The following PDE4D variants were observed in gnomAD, a reference collection of about 807,000 sequenced individuals.
PDE4D encodes the protein 3',5'-cyclic-AMP phosphodiesterase 4D.
In PDE4D, 24 loss-of-function variants were observed where a neutral mutation model predicts 87.4. That is an observed-to-expected ratio of 0.27 (90% CI 0.20 to 0.39). The LOEUF (loss-of-function observed/expected upper bound fraction) is 0.39. Among genes scored for constraint, PDE4D ranks in the 10% least tolerant of loss-of-function variants. PDE4D has a pLI of 1.00. For missense variants in PDE4D, 714 were observed against 1,041.0 expected, an observed-to-expected ratio of 0.69 and a Z score of 4.32; for synonymous variants, 384 against 383.2, an observed-to-expected ratio of 1.00 and a Z score of -0.02.
chr5:60,477,527 A>C (rs1477763061), intron 1 of PDE4D, among the ~76,000 whole-genome samples: 1 of 152,198 alleles, frequency 6.6e-6, no homozygotes, highest in Non-Finnish European at 1.5e-5. Context: ...GAGGCTGTTA[A>C]GATGGAGGAA....
At chr5:59,476,594 A>T (rs1284465404) in intron 1 of PDE4D, among the ~76,000 whole-genome samples, 1 of 152,058 alleles carries the variant, frequency 6.6e-6, no homozygotes, top group East Asian at 1.9e-4. Flanking sequence ...GTTTTACATA[A>T]GCCTTAGTGA....
chr5:59,364,353 A>G (rs1782705398), intron 1 of PDE4D, among the ~76,000 whole-genome samples: 2 of 150,464 alleles, frequency 1.3e-5, no homozygotes, highest in South Asian at 4.2e-4. Flanking sequence ...TTACCTCTAA[A>G]TTTTAGAGAA....
chr5:60,272,835 C>T (rs368173479), intron 1 of PDE4D, among the ~76,000 whole-genome samples: 57 of 152,242 alleles, frequency 3.7e-4, no homozygotes, highest in South Asian at 1.0e-3. Context: ...ATGACTTCTC[C>T]GCTTATTTTA....
intron 2 of PDE4D, among the ~76,000 whole-genome samples, chr5:60,158,055 G>A (rs1782144424): frequency 6.6e-6 from 1 of 152,048 alleles, no homozygotes; most frequent in South Asian, 2.1e-4. Flanking sequence ...AAATTCATAA[G>A]GTTATTGTGA....
At chr5:60,143,603 T>TTTTG (rs1780730543) in intron 2 of PDE4D, among the ~76,000 whole-genome samples, 3 of 117,754 alleles carry the variant, frequency 2.5e-5, no homozygotes, top group East Asian at 2.5e-4. Context: ...AGCTTGGGAA[T>TTTTG]TGTGTGTGTG....
chr5:60,436,867 C>T (rs2150125542), intron 1 of PDE4D, among the ~76,000 whole-genome samples: 1 of 152,170 alleles, frequency 6.6e-6, no homozygotes, highest in Middle Eastern at 3.4e-3. Flanking sequence ...CACTTTTCTG[C>T]AAGGAATCTC....
At chr5:59,900,179 G>T (rs955191028) in intron 3 of PDE4D, among the ~76,000 whole-genome samples, 1 of 150,956 alleles carries the variant, frequency 6.6e-6, no homozygotes, top group African/African-American at 2.4e-5. Flanking sequence ...GGTGAATGTT[G>T]CAGTGAGCCA....
At chr5:60,488,721 G>A (rs1749347445), upstream of PDE4D, among the ~76,000 whole-genome samples, 1 of 152,096 alleles carries the variant, frequency 6.6e-6, no homozygotes, top group Admixed American at 6.6e-5. Flanking sequence ...AGTCAACGGG[G>A]CTGAGACAGG....
chr5:59,744,328 T>A (rs1274202891), intron 1 of PDE4D, among the ~76,000 whole-genome samples: 1 of 152,168 alleles, frequency 6.6e-6, no homozygotes, highest in African/African-American at 2.4e-5. Flanking sequence ...ATATTAATTC[T>A]AGACAAACTA....
intron 1 of PDE4D, among the ~76,000 whole-genome samples, chr5:60,309,827 T>C (rs1251339285): frequency 6.6e-6 from 1 of 152,248 alleles, no homozygotes; most frequent in Non-Finnish European, 1.5e-5. Context: ...TATCATGTAA[T>C]AATTTGGACT....
chr5:59,828,563 T>C (rs1005761574), intron 1 of PDE4D, among the ~76,000 whole-genome samples: 12 of 152,064 alleles, frequency 7.9e-5, no homozygotes, highest in Non-Finnish European at 1.5e-5. Context: ...CTGCAGGGCA[T>C]TGTTCTATGC....
At position 58,975,870 on chromosome 5, in the gene PDE4D, T is replaced by C; in HGVS notation, c.1831-31A>G. On this transcript the variant is annotated intron_variant, in intron 13 of 14. Coordinates refer to ENST00000340635, the MANE Select transcript of PDE4D (RefSeq NM_001104631.2). This position sits in a 1 kb window ranked among gnomAD's most constrained non-coding sequence, Gnocchi z 4.2. ...ATAGATGGATGCATTCTCTATTCAC[T>C]CCTGTTCCTTTTTTTTAAAAAAAAA... The C allele has an allele frequency of 7.6e-7, 1 of 1,314,276 alleles. No individual in the cohort carries two copies. The allele number at this position is 1,314,276 out of a possible 1,614,324, so 81.4% of individuals were successfully genotyped here.
chr5:59,691,507 G>A, intron 1 of PDE4D, among the ~76,000 whole-genome samples: 1 of 150,304 alleles, frequency 6.7e-6, no homozygotes, highest in Admixed American at 6.7e-5. Flanking sequence ...AATCATAGGT[G>A]GGAATTGAAC....
At chr5:59,127,620 A>ACCC (rs1561532508) in intron 5 of PDE4D, among the ~76,000 whole-genome samples, 1 of 19,320 alleles carries the variant, frequency 5.2e-5, no homozygotes, top group African/African-American at 2.0e-4. Context: ...CCCACCCCCC[A>ACCC]CCTCACCCCC....
chr5:60,460,281 T>C (rs1746822217), intron 1 of PDE4D: 1 of 1,054,776 alleles, frequency 9.5e-7, no homozygotes, highest in Non-Finnish European at 1.5e-6. Flanking sequence ...GATGAAATTC[T>C]TTGGATAGAA....
intron 1 of PDE4D, among the ~76,000 whole-genome samples, chr5:59,869,900 A>C (rs1368035696): frequency 6.6e-6 from 1 of 152,202 alleles, no homozygotes; most frequent in African/African-American, 2.4e-5. Flanking sequence ...GTGAGTTAAT[A>C]ACCAGAACTG....
intron 1 of PDE4D, among the ~76,000 whole-genome samples, chr5:60,245,570 T>C (rs957933660): frequency 6.6e-6 from 1 of 151,958 alleles, no homozygotes; most frequent in Non-Finnish European, 1.5e-5. Flanking sequence ...GGGTTACATA[T>C]ACAAAATGGA....
rs61225564 is a variant in PDE4D, at chr5:59,098,633, G to A, written c.809-59662C>T. On this transcript the variant is annotated intron_variant, in intron 5 of 14. Coordinates refer to ENST00000340635, the MANE Select transcript of PDE4D (RefSeq NM_001104631.2). ...GTGGGAGAATTGCTTGAGTGCAGGA[G>A]GCTAAGGCTGCAGTAAGCCCTGATC... Among the ~76,000 whole-genome samples, 454 of 142,402 alleles carry A rather than the reference G, an allele frequency of 3.2e-3. 1 individual carries two copies. The highest frequency in any genetic ancestry group is 0.011 in the African/African-American group (441 of 38,532). The allele number at this position is 142,402 out of a possible 152,430, so 93.4% of individuals were successfully genotyped here. A position where few individuals can be genotyped will look rare whatever the true frequency, so the allele number is the denominator to read the frequency against.
chr5:59,374,146 C>T (rs1326418563), intron 1 of PDE4D, among the ~76,000 whole-genome samples: 1 of 152,208 alleles, frequency 6.6e-6, no homozygotes, highest in Non-Finnish European at 1.5e-5. Context: ...CAGCTAACAT[C>T]ATGATGACAG....
Sources: gnomAD v4.1 joint callset for allele counts (sites outside exome capture counted in the v4.1 genomes callset) on GRCh38, gnomAD v4.1.1 for gene constraint, Gnocchi (gnomAD v3.1) non-coding constraint, MANE v1.5 for transcripts, NCBI Gene and HGNC (gene_info 2026-07-23, HGNC 2026-07-21) for gene names.